CELSR1: variants seen among roughly 807,000 people sequenced by gnomAD.
CELSR1 encodes the protein adhesion G protein-coupled receptor C1.
In CELSR1, 110 loss-of-function variants were observed where a neutral mutation model predicts 249.1. That is an observed-to-expected ratio of 0.44 (90% CI 0.38 to 0.52). The LOEUF (loss-of-function observed/expected upper bound fraction) is 0.52. Among genes scored for constraint, CELSR1 ranks in the 20% least tolerant of loss-of-function variants. The pLI is 0.00. For synonymous variants in CELSR1, 2,113 were observed against 1,900.0 expected (o/e 1.11, Z -2.92); for missense variants, 4,109 against 4,296.4 (o/e 0.96, Z 1.22).
At chr22:46,367,937 C>T (rs1279092933) in intron 27 of CELSR1, 82 bp from the exon 28 acceptor site, 7 of 1,493,450 alleles carry the variant, frequency 4.7e-6, no homozygotes, top group Non-Finnish European at 6.3e-6. Context: ...TCCACCTGTC[C>T]ACCTGCCTGC....
intron 1 of CELSR1, among the ~76,000 whole-genome samples, chr22:46,514,791 C>G (rs1451004806): frequency 5.9e-5 from 9 of 152,278 alleles, no homozygotes; most frequent in African/African-American, 1.7e-4. Context: ...GAGTCATTCC[C>G]AAGTCAGCAA....
In CELSR1 at chr22:46,534,411, G is replaced by C. The variant is rs1276222189; in HGVS notation, c.2760C>G (p.Asp920Glu). The stretch of plus-strand genomic sequence containing the variant: ...ACAGCAGACGCCCATTGGGACCTGA[G>C]TCCCGGTCCGTGGCAGAGACCTGGA... ...SILQVSATDRDSGPNGRLLYT... is the reference protein window; with the variant it reads ...SILQVSATDRESGPNGRLLYT... The change falls in exon 1 of 35, where the codon GAC (aspartate) becomes GAG (glutamate). Residue 920 changes from aspartate (D) to glutamate (E), a missense_variant. Around this residue, in one of 7 missense-constraint regions of CELSR1, gnomAD observed 886 missense variants for 896.5 expected, o/e 0.99. Coordinates refer to ENST00000674500, the MANE Select transcript of CELSR1 (RefSeq NM_001378328.1). The surrounding 1 kb of genome is among the most constrained non-coding windows in gnomAD (Gnocchi z 9.7). The C allele has an allele frequency of 6.2e-7, 1 of 1,612,944 alleles. No homozygotes were observed.
intron 1 of CELSR1, among the ~76,000 whole-genome samples, 190 bp downstream of exon 1, chr22:46,533,437 C>A (rs754559869): frequency 6.6e-6 from 1 of 152,258 alleles, no homozygotes; most frequent in South Asian, 2.1e-4. Context: ...CGGCGCGGTG[C>A]CTCTCCCCCT....
Position 46,364,096 on chromosome 22 carries a change from T to A in CELSR1, c.8935A>T (p.Thr2979Ser). The A allele has an allele frequency of 6.2e-7, 1 of 1,612,254 alleles. No individual in the cohort carries two copies. The highest frequency in any genetic ancestry group is 1.1e-5 in the South Asian group (1 of 91,066). The change falls in exon 34 of 35, where the codon ACA becomes TCA. Residue 2979 changes from threonine (T) to serine (S), a missense_variant. Around this residue, in one of 7 missense-constraint regions of CELSR1, gnomAD observed 1,805 missense variants for 1,831.6 expected, o/e 0.99. Transcript: ENST00000674500. ...LGSGGPDCAI[T>S]VKSPGREPGR... The stretch of plus-strand genomic sequence containing the variant: ...GGCTCCCTCCCAGGGCTCTTGACTG[T>A]GATGGCGCAGTCGGGGCCGCCAGAG...
Position 46,504,002 on chromosome 22 carries a change from G to A in CELSR1, c.3544+29625C>T, listed in dbSNP as rs565683010. On this transcript the variant is annotated intron_variant, in intron 1 of 34. Transcript: ENST00000674500. ...GAGCTATGACAGTACCATGCACTCC[G>A]GCCTGGGCAACAGAGCAAGACCTTG... Among the ~76,000 whole-genome samples the A allele has an allele frequency of 4.6e-5, 7 of 152,156 alleles. No individual in the cohort carries two copies. The East Asian group carries it at 9.7e-4, about 21-fold the overall frequency.
rs1468570590 is a variant in CELSR1, at chr22:46,393,959, G to A, written c.5964+183C>T. On this transcript the variant is annotated intron_variant, in intron 14 of 34. Coordinates refer to ENST00000674500, the MANE Select transcript of CELSR1 (RefSeq NM_001378328.1). This position sits in a 1 kb window ranked among gnomAD's most constrained non-coding sequence, Gnocchi z 4.1. The stretch of plus-strand genomic sequence containing the variant: ...GCCATGGAGTATTCACAGAGCACGG[G>A]GGAGCAGCAAGGAAACCAAAAACCA... Among the ~76,000 whole-genome samples the A allele has an allele frequency of 2.6e-5, 4 of 152,230 alleles. No homozygotes were observed. The highest frequency in any genetic ancestry group is 2.0e-4 in the Admixed American group (3 of 15,280).
At position 46,372,995 on chromosome 22, in the gene CELSR1, G is replaced by C. The variant is rs1448693440; in HGVS notation, c.7647C>G (p.Thr2549=). 1 of 1,613,046 alleles carries C rather than the reference G, an allele frequency of 6.2e-7. No individual in the cohort carries two copies. The highest frequency in any genetic ancestry group is 1.7e-5 in the Admixed American group (1 of 59,960). The change falls in exon 25 of 35, where the codon ACC becomes ACG. Residue 2549 remains threonine, a synonymous_variant. Transcript: ENST00000674500. ...HYIYMSTFAW[T]LVESLHVYRM... ...GGTAGACATGCAGGCTCTCCACGAG[G>C]GTCCAGGCAAAGGTGCTCATGTAGA...
At position 46,535,542 on chromosome 22, in the gene CELSR1, C is replaced by T. The variant is rs777965780; in HGVS notation, c.1629G>A (p.Pro543=). 3.1e-6 allele frequency: 5 copies of T among 1,613,214 alleles called. No individual in the cohort carries two copies. The highest frequency in any genetic ancestry group is 4.2e-6 in the Non-Finnish European group (5 of 1,179,992). Residue 543 remains proline (P), a synonymous_variant, in exon 1 of 35, where the codon CCG becomes CCA. Transcript: ENST00000674500. ...ACACCACCCCTGAAGAATTGATGAG[C>T]GGGGGCCGGCCCCCATCCTGGGCCT... The part of the protein sequence containing the change: ...SIKAQDGGRP[P]LINSSGVVSV...
intron 14 of CELSR1, among the ~76,000 whole-genome samples, chr22:46,392,488 A>T (rs2079104378): frequency 6.6e-6 from 1 of 152,210 alleles, no homozygotes; most frequent in Admixed American, 6.5e-5. Context: ...TAAAACACTA[A>T]CAATCACAGC....
In CELSR1 at chr22:46,473,980, T is replaced by C. The variant is rs1438910479; in HGVS notation, c.3545-9635A>G. On this transcript the variant is annotated intron_variant, in intron 1 of 34. Coordinates refer to ENST00000674500, the MANE Select transcript of CELSR1 (RefSeq NM_001378328.1). The surrounding 1 kb of genome is among the most constrained non-coding windows in gnomAD (Gnocchi z 6.6). ...TCACAGGAACAAGGGGACAAGCACT[T>C]TCAGGGTTGGGTGTGCGGCGCATGT... is the stretch of plus-strand genomic sequence containing the variant. Among the ~76,000 whole-genome samples, 1 of 152,018 alleles carries C rather than the reference T, an allele frequency of 6.6e-6. No individual in the cohort carries two copies. The highest frequency in any genetic ancestry group is 1.5e-5 in the Non-Finnish European group (1 of 68,006).
chr22:46,507,556 C>T (rs909491081), intron 1 of CELSR1, among the ~76,000 whole-genome samples: 1 of 152,286 alleles, frequency 6.6e-6, no homozygotes, highest in South Asian at 2.1e-4. Flanking sequence ...CGGTGTGAGT[C>T]CCAGCCCAAC....
chr22:46,518,211 C>T lies in CELSR1; in HGVS notation c.3544+15416G>A, dbSNP rs1012065627. ...AGGCGTGAGCCACCACGCCTGGCCT[C>T]GGCATCCCCTTTCTAAAGGACATCT... On this transcript the variant is annotated intron_variant, in intron 1 of 34. Transcript: ENST00000674500. This position sits in a 1 kb window ranked among gnomAD's most constrained non-coding sequence, Gnocchi z 5.2. 2.0e-4 allele frequency among the ~76,000 whole-genome samples: 30 copies of T among 152,140 alleles called. No individual in the cohort carries two copies. The highest frequency in any genetic ancestry group is 9.7e-4 in the East Asian group (5 of 5,176).
chr22:46,368,791 G>A (rs979445881), intron 27 of CELSR1, among the ~76,000 whole-genome samples: 10 of 151,942 alleles, frequency 6.6e-5, no homozygotes, highest in African/African-American at 1.9e-4. Flanking sequence ...AGTGGGGTGG[G>A]GGGGTCTCCT....
At chr22:46,377,983 C>G (rs905718872) in intron 23 of CELSR1, among the ~76,000 whole-genome samples, 3 of 151,672 alleles carry the variant, frequency 2.0e-5, no homozygotes, top group Non-Finnish European at 2.9e-5. Context: ...GGGTCCCACA[C>G]AGGCCATGGC....
At position 46,437,804 on chromosome 22, in the gene CELSR1, T is replaced by C. The variant is rs960983396; in HGVS notation, c.4406+1385A>G. On this transcript the variant is annotated intron_variant, in intron 3 of 34. Transcript: ENST00000674500. The surrounding 1 kb of genome is among the most constrained non-coding windows in gnomAD (Gnocchi z 4.9). ...CCAACTGTCGCCCAAACCCCCTCTC[T>C]TTAGAATGCAAGCAAGAAATGACGA... Among the ~76,000 whole-genome samples, 2 of 151,182 alleles carry C rather than the reference T, an allele frequency of 1.3e-5. No homozygotes were observed. Among genetic ancestry groups the C allele is most frequent in the Non-Finnish European group, 2.9e-5 (2 of 67,940 alleles).
At chr22:46,369,582 G>T in intron 26 of CELSR1, 110 bp downstream of exon 26, 1 of 950,446 alleles carries the variant, frequency 1.1e-6, no homozygotes. Flanking sequence ...GGCCCTTCCT[G>T]CCCCCCGTCG....
chr22:46,407,197 C>A lies in CELSR1; in HGVS notation c.5226+1799G>T, dbSNP rs2079276560. Among the ~76,000 whole-genome samples the A allele has an allele frequency of 1.3e-5, 2 of 152,154 alleles. No individual in the cohort carries two copies. Among genetic ancestry groups the A allele is most frequent in the Admixed American group, 6.5e-5 (1 of 15,276 alleles). On this transcript the variant is annotated intron_variant, in intron 9 of 34. Coordinates refer to ENST00000674500, the MANE Select transcript of CELSR1 (RefSeq NM_001378328.1). The surrounding 1 kb of genome is among the most constrained non-coding windows in gnomAD (Gnocchi z 4.8). ...AGTGCTGCTCTGAGACCATGTGCAC[C>A]CAGGTCTCATCACATGGGTGCACAC...
Position 46,500,750 on chromosome 22 carries a change from T to C in CELSR1, c.3544+32877A>G, listed in dbSNP as rs1356001684. ...GGAGCCTTTGACTGCAGTTTCAGAATGAAGCTCACCACCGTGTCCCCACAA... is the reference window on the plus strand; with the variant it reads ...GGAGCCTTTGACTGCAGTTTCAGAACGAAGCTCACCACCGTGTCCCCACAA... On this transcript the variant is annotated intron_variant, in intron 1 of 34. Transcript: ENST00000674500. This position sits in a 1 kb window ranked among gnomAD's most constrained non-coding sequence, Gnocchi z 4.9. Among the ~76,000 whole-genome samples, 5 of 152,160 alleles carry C rather than the reference T, an allele frequency of 3.3e-5. No individual in the cohort carries two copies. The highest frequency in any genetic ancestry group is 7.4e-5 in the Non-Finnish European group (5 of 68,022).
At chr22:46,449,252 C>T (rs2079854183) in intron 2 of CELSR1, among the ~76,000 whole-genome samples, 1 of 151,992 alleles carries the variant, frequency 6.6e-6, no homozygotes, top group South Asian at 2.1e-4. Context: ...AACAACCCAT[C>T]ATGCATCAAC....
Sources: allele counts gnomAD v4.1 joint callset (sites outside exome capture counted in the v4.1 genomes callset), GRCh38; gene constraint gnomAD v4.1.1; regional missense constraint gnomAD v4.1.1; non-coding constraint Gnocchi (gnomAD v3.1); transcripts MANE v1.5; gene names NCBI Gene and HGNC (gene_info 2026-07-23, HGNC 2026-07-21).